The following ARMC5 variants were observed in gnomAD, a reference collection of about 807,000 sequenced individuals.
ARMC5 encodes armadillo repeat-containing protein 5.
Under a neutral mutation model 60.5 loss-of-function variants are expected in ARMC5, and 28 were observed. The observed-to-expected ratio is 0.46, with a 90% CI of 0.34 to 0.63. The LOEUF (loss-of-function observed/expected upper bound fraction) is 0.63, where lower values mean the gene tolerates loss of function less well. ARMC5 is among the 30% of genes least tolerant of loss of function. The pLI is 0.01. For synonymous variants in ARMC5, 680 were observed against 607.3 expected, an observed-to-expected ratio of 1.12 and a Z score of -1.76; for missense variants, 1,189 against 1,304.9, an observed-to-expected ratio of 0.91 and a Z score of 1.37.
Position 31,466,148 on chromosome 16 carries a change from C to T in ARMC5, c.2067C>T (p.Thr689=). The stretch of plus-strand genomic sequence containing the variant: ...TCCGGCTCCTCCTTGCGGCGCTGAC[C>T]CGGCCGGCCCCACACCCGCTCTTCC... ...GGLRLLLAAL[T]RPAPHPLFLF... is the part of the protein sequence containing the mutation. The change falls in exon 6 of 6, where the codon ACC becomes ACT. Residue 689 remains threonine (T), a synonymous_variant. Transcript: ENST00000268314. The surrounding 1 kb of genome is among the most constrained non-coding windows in gnomAD (Gnocchi z 8.0). The T allele has an allele frequency of 1.2e-6, 2 of 1,607,074 alleles. No individual in the cohort carries two copies. Among genetic ancestry groups the T allele is most frequent in the South Asian group, 2.2e-5 (2 of 91,072 alleles).
rs755881324 is a variant in ARMC5 at position 31,461,937 on chromosome 16, G to T, written c.491G>T (p.Cys164Phe). 1 of 1,614,166 alleles carries T rather than the reference G, an allele frequency of 6.2e-7. No individual in the cohort carries two copies. Among genetic ancestry groups the T allele is most frequent in the South Asian group, 1.1e-5 (1 of 91,086 alleles). ...GTCGTTGCAGTGACCATTCTTCAGT[G>T]CATGAAGACAGACAGCATCCAGAAC... is the stretch of plus-strand genomic sequence containing the variant. ...GILPLVTILQ[C>F]MKTDSIQNRT... The change falls in exon 2 of 6, where the codon TGC becomes TTC. Residue 164 changes from cysteine (C) to phenylalanine (F), a missense_variant. Around this residue, in one of 2 missense-constraint regions of ARMC5, gnomAD observed 862 missense variants for 1,071.2 expected, o/e 0.80. Coordinates refer to ENST00000268314, the MANE Select transcript of ARMC5 (RefSeq NM_001105247.2).
At chr16:31,459,432 A>C (rs1428792974), upstream of ARMC5, 1 of 1,541,406 alleles carries the variant, frequency 6.5e-7, no homozygotes, top group Admixed American at 2.0e-5. Flanking sequence ...AAACAGCGTC[A>C]GCGAGGCGGT....
chr16:31,466,881 C>A lies in ARMC5; in HGVS notation c.2800C>A (p.Pro934Thr). ...VMGIELGARV[P>T]A ...GGGGATTGAGTTGGGGGCAAGGGTCCCTGCCTAGACTGTTGACGTCCCCTG... is the reference window on the plus strand; with the variant it reads ...GGGGATTGAGTTGGGGGCAAGGGTCACTGCCTAGACTGTTGACGTCCCCTG... Residue 934 changes from proline to threonine, a missense_variant, in exon 6 of 6, where the codon CCT becomes ACT. By Grantham distance (38) the Pro-to-Thr change is conservative (BLOSUM62 -1). Transcript: ENST00000268314. The surrounding 1 kb of genome is among the most constrained non-coding windows in gnomAD (Gnocchi z 8.0). 1.9e-6 allele frequency: 3 copies of A among 1,544,006 alleles called. No homozygotes were observed. Among genetic ancestry groups the A allele is most frequent in the Admixed American group, 2.1e-5 (1 of 48,194 alleles).
At chr16:31,459,384 G>A (rs1352684794), upstream of ARMC5, 8 of 1,536,830 alleles carry the variant, frequency 5.2e-6, no homozygotes, top group Admixed American at 3.9e-5. Context: ...CCGGGGTCGA[G>A]AACTACAACT....
chr16:31,466,753 C>T lies in ARMC5; in HGVS notation c.2672C>T (p.Ser891Leu). ...CACTGTGCCCGCTGGACACTGGGGT[C>T]AGAGCAGTGCCCGAGGAAGCGGGGT... ...AAHCARWTLG[S>L]EQCPRKRGLA... The change falls in exon 6 of 6, where the codon TCA becomes TTA. Residue 891 changes from serine (S) to leucine (L), a missense_variant. By Grantham distance (145) the Ser-to-Leu change is moderately radical. Around this residue, in one of 2 missense-constraint regions of ARMC5, gnomAD observed 862 missense variants for 1,071.2 expected, o/e 0.80. Transcript: ENST00000268314. This position sits in a 1 kb window ranked among gnomAD's most constrained non-coding sequence, Gnocchi z 8.0. 6.4e-7 allele frequency: 1 copy of T among 1,568,294 alleles called. No homozygotes were observed. Among genetic ancestry groups the T allele is most frequent in the Non-Finnish European group, 8.6e-7 (1 of 1,158,246 alleles).
chr16:31,465,526 C>CT (rs2082348793), intron 4 of ARMC5: 2 of 886,194 alleles, frequency 2.3e-6, no homozygotes, highest in Non-Finnish European at 3.1e-6. Context: ...TCATATATCT[C>CT]TAAGATCTAT....
Position 31,464,011 on chromosome 16 carries a change from G to C in ARMC5, c.1371-383G>C, listed in dbSNP as rs1006076874. Among the ~76,000 whole-genome samples the C allele has an allele frequency of 2.0e-5, 3 of 152,118 alleles. No homozygotes were observed. Among genetic ancestry groups the C allele is most frequent in the Non-Finnish European group, 4.4e-5 (3 of 68,020 alleles). On this transcript the variant is annotated intron_variant, in intron 3 of 5. Transcript: ENST00000268314. The surrounding 1 kb of genome is among the most constrained non-coding windows in gnomAD (Gnocchi z 7.6). ...TTACCTCCCTCCAAGACAGCTTTTAGCTCATGCAGTGGCTCACGCCTGTAA... is the reference window on the plus strand; with the variant it reads ...TTACCTCCCTCCAAGACAGCTTTTACCTCATGCAGTGGCTCACGCCTGTAA...
At chr16:31,463,246 C>A (rs557281985) in intron 3 of ARMC5, among the ~76,000 whole-genome samples, 1 of 151,922 alleles carries the variant, frequency 6.6e-6, no homozygotes, top group East Asian at 1.9e-4. Context: ...TTACAGGTGC[C>A]GGCCACCACT....
In ARMC5 at chr16:31,466,658, C is replaced by T; in HGVS notation, c.2577C>T (p.His859=). The part of the protein sequence containing the change: ...EELEEAVGRI[H]LGPQGGPESV... ...TGGAAGAGGCCGTGGGCCGCATCCACCTGGGACCCCAGGGTGGCCCGGAGT... is the reference window on the plus strand; with the variant it reads ...TGGAAGAGGCCGTGGGCCGCATCCATCTGGGACCCCAGGGTGGCCCGGAGT... Residue 859 remains histidine (H), a synonymous_variant, in exon 6 of 6, where the codon CAC becomes CAT. Transcript: ENST00000268314. The surrounding 1 kb of genome is among the most constrained non-coding windows in gnomAD (Gnocchi z 8.0). 1 of 1,584,986 alleles carries T rather than the reference C, an allele frequency of 6.3e-7. No individual in the cohort carries two copies. The highest frequency in any genetic ancestry group is 8.6e-7 in the Non-Finnish European group (1 of 1,165,978).
At chr16:31,463,358 T>C (rs1002107452) in intron 3 of ARMC5, among the ~76,000 whole-genome samples, 1 of 152,112 alleles carries the variant, frequency 6.6e-6, no homozygotes, top group South Asian at 2.1e-4. Context: ...CTCAGCCTCC[T>C]AAAGTCCTGG....
Position 31,464,815 on chromosome 16 carries a change from C to T in ARMC5, c.1792C>T (p.Leu598=). The change falls in exon 4 of 6, where the codon CTG becomes TTG. Residue 598 remains leucine, a synonymous_variant. Coordinates refer to ENST00000268314, the MANE Select transcript of ARMC5 (RefSeq NM_001105247.2). The surrounding 1 kb of genome is among the most constrained non-coding windows in gnomAD (Gnocchi z 7.6). Reference sequence around the variant, plus strand: ...GGCGCTGCTGCGGGCCTGGCTGGTGCTGGGGGTGGCGCCTGACGATTGGCC... The same window carrying T: ...GGCGCTGCTGCGGGCCTGGCTGGTGTTGGGGGTGGCGCCTGACGATTGGCC... The part of the protein sequence containing the change: ...GAALLRAWLV[L]GVAPDDWPAP... 1 of 1,597,246 alleles carries T rather than the reference C, an allele frequency of 6.3e-7. No homozygotes were observed.
intron 1 of ARMC5, among the ~76,000 whole-genome samples, chr16:31,460,765 C>T (rs141112553): frequency 1.3e-4 from 20 of 152,218 alleles, no homozygotes; most frequent in Non-Finnish European, 2.1e-4. Flanking sequence ...AATCAGTAGT[C>T]GCTTAGGAAG....
At position 31,462,115 on chromosome 16, in the gene ARMC5, C is replaced by T. The variant is rs1285847242; in HGVS notation, c.584-16C>T. ...TGTCCTTGTTCACCCTCTGTGCTCCCCTTTCCTGCCCTCAGGTGCTGTTCC... is the reference window on the plus strand; with the variant it reads ...TGTCCTTGTTCACCCTCTGTGCTCCTCTTTCCTGCCCTCAGGTGCTGTTCC... On this transcript the variant is annotated splice_polypyrimidine_tract_variant and intron_variant, in intron 2 of 5. Transcript: ENST00000268314. This position sits in a 1 kb window ranked among gnomAD's most constrained non-coding sequence, Gnocchi z 7.2. 6.8e-6 allele frequency: 11 copies of T among 1,612,110 alleles called. No homozygotes were observed. The highest frequency in any genetic ancestry group is 5.3e-5 in the African/African-American group (4 of 75,000).
upstream of ARMC5, chr16:31,458,931 A>T (rs2082271597): frequency 6.5e-7 from 1 of 1,535,454 alleles, no homozygotes; most frequent in Admixed American, 2.0e-5. Flanking sequence ...GGAAACGGAA[A>T]ATTCCACAAG....
chr16:31,463,092 C>A (rs1370686192), intron 3 of ARMC5, among the ~76,000 whole-genome samples, 175 bp downstream of exon 3: 1 of 151,986 alleles, frequency 6.6e-6, no homozygotes, highest in African/African-American at 2.4e-5. Flanking sequence ...CACTCCACTC[C>A]CCTGAGTCTA....
Position 31,466,901 on chromosome 16 carries a change from C to A in ARMC5, c.*12C>A. 3 of 1,511,374 alleles carry A rather than the reference C, an allele frequency of 2.0e-6. No homozygotes were observed. The highest frequency in any genetic ancestry group is 1.3e-5 in the South Asian group (1 of 74,234). The allele number at this position is 1,511,374 out of a possible 1,614,324, so 93.6% of individuals were successfully genotyped here. Reference sequence around the variant, plus strand: ...GGGTCCCTGCCTAGACTGTTGACGTCCCCTGGGAAGGGGACCCAAGGATGA... The same window carrying A: ...GGGTCCCTGCCTAGACTGTTGACGTACCCTGGGAAGGGGACCCAAGGATGA... On this transcript the variant is annotated 3_prime_UTR_variant, in exon 6 of 6. Transcript: ENST00000268314. The surrounding 1 kb of genome is among the most constrained non-coding windows in gnomAD (Gnocchi z 8.0).
chr16:31,465,262 C>T (rs777574662), intron 4 of ARMC5: 5 of 1,528,164 alleles, frequency 3.3e-6, no homozygotes, highest in South Asian at 1.3e-5. Context: ...CCAGCACTGC[C>T]AGGGACTGCC....
At chr16:31,461,878 A>G (rs2082306338) in intron 1 of ARMC5, 44 bp from the exon 2 acceptor site, 2 of 1,548,388 alleles carry the variant, frequency 1.3e-6, no homozygotes, top group African/African-American at 2.7e-5. Flanking sequence ...GATGTGAGAG[A>G]CAGTAAGGGG....
In ARMC5 at chr16:31,459,993, C is replaced by G; in HGVS notation, c.469C>G (p.Pro157Ala). Residue 157 changes from proline to alanine, a missense_variant, in exon 1 of 6, where the codon CCT (proline) becomes GCT (alanine). Transcript: ENST00000268314. ...AGTGCGCAGACTCGGAGGCATACTC[C>G]CTTTGGGTAAGTGCTCCGCCCCCGT... Reference protein sequence around the residue: ...TEVRRLGGILPLVTILQCMKT... With the variant: ...TEVRRLGGILALVTILQCMKT... 6.3e-7 allele frequency: 1 copy of G among 1,596,804 alleles called. No homozygotes were observed. Among genetic ancestry groups the G allele is most frequent in the Non-Finnish European group, 8.5e-7 (1 of 1,178,298 alleles).
Sources: gnomAD v4.1 joint callset for allele counts (sites outside exome capture counted in the v4.1 genomes callset) on GRCh38, gnomAD v4.1.1 for gene constraint, gnomAD v4.1.1 regional missense constraint, Gnocchi (gnomAD v3.1) non-coding constraint, MANE v1.5 for transcripts, NCBI Gene and HGNC (gene_info 2026-07-23, HGNC 2026-07-21) for gene names.